The following MRPS11 variants were observed in gnomAD, a reference collection of about 807,000 sequenced individuals.
The protein encoded by MRPS11 is small ribosomal subunit protein uS11m.
MRPS11 carries 27 observed loss-of-function variants against 24.3 expected under a neutral mutation model. That is an observed-to-expected ratio of 1.11 (90% CI 0.82 to 1.53). MRPS11 has a LOEUF of 1.53. MRPS11 is among the 40% of genes most tolerant of loss of function. MRPS11 has a pLI of 0.00. For synonymous variants in MRPS11, 104 were observed against 98.7 expected (o/e 1.05, Z -0.32); for missense variants, 277 against 256.5 (o/e 1.08, Z -0.55).
chr15:88,476,913 C>A, intron 4 of MRPS11, 76 bp from the exon 5 acceptor site: 1 of 1,477,602 alleles, frequency 6.8e-7, no homozygotes, highest in African/African-American at 1.4e-5. Flanking sequence ...ACACCCCTTG[C>A]TCTAGGAGGC....
chr15:88,474,811 A>G (rs985014177), intron 3 of MRPS11, among the ~76,000 whole-genome samples: 2 of 152,194 alleles, frequency 1.3e-5, no homozygotes, highest in Admixed American at 6.5e-5. Context: ...ACTTTTGTGT[A>G]TATTTAAAAC....
At position 88,468,009 on chromosome 15, in the gene MRPS11, G is replaced by A. The variant is rs1422718585; in HGVS notation, c.167G>A (p.Ser56Asn). The A allele has an allele frequency of 6.2e-7, 1 of 1,604,614 alleles. No individual in the cohort carries two copies. The highest frequency in any genetic ancestry group is 1.7e-5 in the Admixed American group (1 of 59,164). Residue 56 changes from serine (S) to asparagine (N), a missense_variant, in exon 2 of 6, where the codon AGC (serine) becomes AAC (asparagine). Coordinates refer to ENST00000325844, the MANE Select transcript of MRPS11 (RefSeq NM_022839.5). ...AAAGTTGAACAGAACGCGGCTCCCA[G>A]CCACACCAAGTTCAGGTGAGCCCCA... ...KQKVEQNAAP[S>N]HTKFSIYPPI...
intron 3 of MRPS11, 37 bp downstream of exon 3, chr15:88,472,762 G>A: frequency 1.3e-6 from 2 of 1,536,934 alleles, no homozygotes; most frequent in East Asian, 4.5e-5. Context: ...GGTCTAGCGT[G>A]AGATTCTTTC....
intron 2 of MRPS11, chr15:88,468,663 C>T: frequency 3.7e-6 from 1 of 272,126 alleles, no homozygotes; most frequent in Non-Finnish European, 5.6e-6. Flanking sequence ...TAACCATAAT[C>T]TGCTCAATAA....
Position 88,477,998 on chromosome 15 carries a change from T to C in MRPS11, c.*19T>C, listed in dbSNP as rs1383900013. ...GCTGTGATGGGAAGGAGGCCTGCACTTGGACCTGACCTCAAGCCTCAGCTC... is the reference window on the plus strand; with the variant it reads ...GCTGTGATGGGAAGGAGGCCTGCACCTGGACCTGACCTCAAGCCTCAGCTC... On this transcript the variant is annotated 3_prime_UTR_variant, in exon 6 of 6. Coordinates refer to ENST00000325844, the MANE Select transcript of MRPS11 (RefSeq NM_022839.5). This position sits in a 1 kb window ranked among gnomAD's most constrained non-coding sequence, Gnocchi z 5.7. 1 of 1,602,152 alleles carries C rather than the reference T, an allele frequency of 6.2e-7. No individual in the cohort carries two copies. The highest frequency in any genetic ancestry group is 1.7e-5 in the Admixed American group (1 of 60,012).
In MRPS11 at chr15:88,475,963, AAAAT is replaced by A. The variant is rs2055814163; in HGVS notation, c.411+728_411+731del. 6.6e-6 allele frequency among the ~76,000 whole-genome samples: 1 copy of A among 152,132 alleles called. No individual in the cohort carries two copies. Among genetic ancestry groups the A allele is most frequent in the Non-Finnish European group, 1.5e-5 (1 of 68,032 alleles). On this transcript the variant is annotated intron_variant, in intron 4 of 5. Transcript: ENST00000325844. The surrounding 1 kb of genome is among the most constrained non-coding windows in gnomAD (Gnocchi z 4.1). ...AGAGCGAGACTCCATCTCAAGAAAA[AAAAT>A]AAAAATAAAGACCAGTGGTTTGGGG...
intron 2 of MRPS11, 166 bp from the exon 3 acceptor site, chr15:88,472,461 T>C: frequency 1.7e-6 from 1 of 585,808 alleles, no homozygotes; most frequent in South Asian, 2.0e-5. Flanking sequence ...AGCACAGCAG[T>C]CACACATGCG....
chr15:88,477,096 A>C lies in MRPS11; in HGVS notation c.477+42A>C, dbSNP rs778342951. 6.3e-7 allele frequency: 1 copy of C among 1,594,872 alleles called. No homozygotes were observed. The highest frequency in any genetic ancestry group is 1.7e-5 in the Admixed American group (1 of 59,420). On this transcript the variant is annotated intron_variant, in intron 5 of 5. Transcript: ENST00000325844. The surrounding 1 kb of genome is among the most constrained non-coding windows in gnomAD (Gnocchi z 5.7). Reference sequence around the variant, plus strand: ...TCCATAGTGTACTTGCCTCCTAGTAAGTGTGAGAATTTGGGGCTTGAGAGC... The same window carrying C: ...TCCATAGTGTACTTGCCTCCTAGTACGTGTGAGAATTTGGGGCTTGAGAGC...
intron 3 of MRPS11, among the ~76,000 whole-genome samples, chr15:88,474,762 G>A (rs2055786093): frequency 6.6e-6 from 1 of 152,150 alleles, no homozygotes; most frequent in Admixed American, 6.5e-5. Context: ...TGTTGAAGCT[G>A]GTTGATGAGT....
Position 88,475,326 on chromosome 15 carries a change from C to T in MRPS11, c.411+87C>T, listed in dbSNP as rs1475379918. ...TGAGTGGAGAATCCTCATTATACTA[C>T]CCATTCAGAAGCAAGGGTTTGTCAT... On this transcript the variant is annotated intron_variant, in intron 4 of 5. Coordinates refer to ENST00000325844, the MANE Select transcript of MRPS11 (RefSeq NM_022839.5). The surrounding 1 kb of genome is among the most constrained non-coding windows in gnomAD (Gnocchi z 4.1). The T allele has an allele frequency of 3.9e-6, 6 of 1,557,466 alleles. No individual in the cohort carries two copies. In the African/African-American group the frequency reaches 6.8e-5, roughly 18 times the overall value.
In MRPS11 at chr15:88,479,529, A is replaced by G. The variant is rs1310569182; in HGVS notation, c.*1550A>G. On this transcript the variant is annotated 3_prime_UTR_variant, in exon 6 of 6. Coordinates refer to ENST00000325844, the MANE Select transcript of MRPS11 (RefSeq NM_022839.5). ...AAGGAGGAAGATCACGAACCAAGAC[A>G]TGAATTTAGAGGAAAAATGCCTCCC... 3 of 152,206 alleles carry G rather than the reference A, an allele frequency of 2.0e-5. No individual in the cohort carries two copies. Among genetic ancestry groups the G allele is most frequent in the African/African-American group, 7.2e-5 (3 of 41,444 alleles). The allele number at this position is 152,206 out of a possible 1,614,324, so 9.4% of individuals were successfully genotyped here.
In MRPS11 at chr15:88,475,320, A is replaced by T; in HGVS notation, c.411+81A>T. 6.4e-7 allele frequency: 1 copy of T among 1,570,524 alleles called. No homozygotes were observed. Among genetic ancestry groups the T allele is most frequent in the Non-Finnish European group, 8.7e-7 (1 of 1,154,982 alleles). On this transcript the variant is annotated intron_variant, in intron 4 of 5. Transcript: ENST00000325844. This position sits in a 1 kb window ranked among gnomAD's most constrained non-coding sequence, Gnocchi z 4.1. ...CATCACTGAGTGGAGAATCCTCATT[A>T]TACTACCCATTCAGAAGCAAGGGTT...
In MRPS11 at chr15:88,477,062, A is replaced by T; in HGVS notation, c.477+8A>T. On this transcript the variant is annotated splice_region_variant and intron_variant, in intron 5 of 5. Transcript: ENST00000325844. The surrounding 1 kb of genome is among the most constrained non-coding windows in gnomAD (Gnocchi z 5.7). ...CTGGGGCCAGGACGCTTGGTAAGTT[A>T]CAGTGATTTCCATAGTGTACTTGCC... is the stretch of plus-strand genomic sequence containing the variant. 1 of 1,613,654 alleles carries T rather than the reference A, an allele frequency of 6.2e-7. No homozygotes were observed. The highest frequency in any genetic ancestry group is 1.7e-5 in the Admixed American group (1 of 59,986).
rs1425963397 is a variant in MRPS11, at chr15:88,477,471, C to CT, written c.478-400dup. Among the ~76,000 whole-genome samples the CT allele has an allele frequency of 6.6e-6, 1 of 152,206 alleles. No homozygotes were observed. Among genetic ancestry groups the CT allele is most frequent in the Non-Finnish European group, 1.5e-5 (1 of 68,046 alleles). ...GCTTCTTCAAAGAGGTGACATCTCTCTGACTTTGCAGGAATAATGAGGTAT... is the reference window on the plus strand; with the variant it reads ...GCTTCTTCAAAGAGGTGACATCTCTCTTGACTTTGCAGGAATAATGAGGTAT... On this transcript the variant is annotated intron_variant, in intron 5 of 5. Transcript: ENST00000325844. The surrounding 1 kb of genome is among the most constrained non-coding windows in gnomAD (Gnocchi z 5.7).
intron 4 of MRPS11, among the ~76,000 whole-genome samples, chr15:88,476,350 G>C (rs1469893535): frequency 6.6e-6 from 1 of 152,158 alleles, no homozygotes; most frequent in Non-Finnish European, 1.5e-5. Context: ...TTCAGACTCT[G>C]CCAAACCAGA....
At chr15:88,468,619 C>G (rs1056737508) in intron 2 of MRPS11, 3 of 606,336 alleles carry the variant, frequency 4.9e-6, no homozygotes, top group Non-Finnish European at 6.2e-6. Flanking sequence ...AAGTAGTTCA[C>G]AGTCTTTGAG....
At chr15:88,468,050 TG>T in intron 2 of MRPS11, 26 bp downstream of exon 2, 1 of 1,582,832 alleles carries the variant, frequency 6.3e-7, no homozygotes, top group Admixed American at 1.8e-5. Flanking sequence ...ACCAGCCCTC[TG>T]GAGACCCGCA....
At position 88,478,459 on chromosome 15, in the gene MRPS11, C is replaced by G. The variant is rs7496973; in HGVS notation, c.*480C>G. ...TCTAGAGCTAATCCTAGTAACTTTT[C>G]TTATTAATGACTTATAATTTGGCCC... is the stretch of plus-strand genomic sequence containing the variant. On this transcript the variant is annotated 3_prime_UTR_variant, in exon 6 of 6. Transcript: ENST00000325844. This position sits in a 1 kb window ranked among gnomAD's most constrained non-coding sequence, Gnocchi z 4.7. The G allele has an allele frequency of 0.065, 10,135 of 155,750 alleles. 1,173 individuals are homozygous for G. Among genetic ancestry groups the G allele is most frequent in the African/African-American group, 0.23 (9,561 of 41,550 alleles). The allele number at this position is 155,750 out of a possible 1,614,324, so 9.6% of individuals were successfully genotyped here.
rs751848206 is a variant in MRPS11, at chr15:88,468,060, C to T, written c.182+36C>T. On this transcript the variant is annotated intron_variant, in intron 2 of 5. Coordinates refer to ENST00000325844, the MANE Select transcript of MRPS11 (RefSeq NM_022839.5). ...CTTGGACCAGCCCTCTGGAGACCCG[C>T]AACCCCTGACTCTTGCCCGACACCC... is the stretch of plus-strand genomic sequence containing the variant. 3.8e-6 allele frequency: 6 copies of T among 1,572,634 alleles called. No individual in the cohort carries two copies. The Admixed American group carries it at 9.0e-5, about 24-fold the overall frequency.
Sources: gnomAD v4.1 joint callset for allele counts (sites outside exome capture counted in the v4.1 genomes callset) on GRCh38, gnomAD v4.1.1 for gene constraint, Gnocchi (gnomAD v3.1) non-coding constraint, MANE v1.5 for transcripts, NCBI Gene and HGNC (gene_info 2026-07-23, HGNC 2026-07-21) for gene names.